Variants in SOX6 observed in about 807,000 individuals in gnomAD.
The protein encoded by SOX6 is transcription factor SOX-6.
Under a neutral mutation model 97.8 loss-of-function variants are expected in SOX6, and 11 were observed. The ratio of observed to expected loss-of-function variants is 0.11; its 90% CI spans 0.07 to 0.19. The LOEUF is 0.19. Among genes scored for constraint, SOX6 ranks in the 10% least tolerant of loss-of-function variants. SOX6 has a pLI of 1.00. For synonymous variants in SOX6, 360 were observed against 371.4 expected, an observed-to-expected ratio of 0.97 and a Z score of 0.35; for missense variants, 810 against 1,039.5, an observed-to-expected ratio of 0.78 and a Z score of 3.04.
intron 4 of SOX6, among the ~76,000 whole-genome samples, chr11:16,561,754 GT>G (rs1565181069): frequency 6.6e-6 from 1 of 151,788 alleles, no homozygotes; most frequent in African/African-American, 2.4e-5. Flanking sequence ...TTAATAGATG[GT>G]CTCTCACTCT....
At chr11:16,489,838 G>C (rs938382323) in intron 4 of SOX6, among the ~76,000 whole-genome samples, 1 of 152,076 alleles carries the variant, frequency 6.6e-6, no homozygotes, top group East Asian at 1.9e-4. Flanking sequence ...CTAGTATACT[G>C]AGAAAGTGAA....
chr11:16,365,017 C>G (rs1857316010), intron 1 of SOX6, among the ~76,000 whole-genome samples: 1 of 152,080 alleles, frequency 6.6e-6, no homozygotes, highest in Non-Finnish European at 1.5e-5. Context: ...TACCCAGAGT[C>G]AACCAAAGTC....
intron 13 of SOX6, among the ~76,000 whole-genome samples, chr11:15,996,646 A>C (rs2119855249): frequency 6.6e-6 from 1 of 152,118 alleles, no homozygotes; most frequent in South Asian, 2.1e-4. Flanking sequence ...AGTAAAAAAT[A>C]CAAAGAAGTA....
At chr11:16,523,358 T>A (rs559927621) in intron 4 of SOX6, among the ~76,000 whole-genome samples, 1 of 152,020 alleles carries the variant, frequency 6.6e-6, no homozygotes, top group Non-Finnish European at 1.5e-5. Context: ...ACATGGAAAC[T>A]GAACAACCTG....
chr11:16,032,557 T>G (rs1258332531), intron 12 of SOX6, among the ~76,000 whole-genome samples: 1 of 152,126 alleles, frequency 6.6e-6, no homozygotes, highest in Non-Finnish European at 1.5e-5. Context: ...GTCTCCAAGT[T>G]TATCTATGTG....
chr11:16,705,450 C>A (rs959988795), intron 3 of SOX6, among the ~76,000 whole-genome samples: 1 of 151,828 alleles, frequency 6.6e-6, no homozygotes, highest in Non-Finnish European at 1.5e-5. Context: ...TATAGAGAGA[C>A]CTCGTCCCTA....
At chr11:16,297,412 A>T (rs754778876) in intron 3 of SOX6, among the ~76,000 whole-genome samples, 1 of 152,210 alleles carries the variant, frequency 6.6e-6, no homozygotes, top group Non-Finnish European at 1.5e-5. Flanking sequence ...AGCAGTCAGC[A>T]AGTGGTCAAA....
chr11:16,164,709 G>A (rs1181291960), intron 6 of SOX6, among the ~76,000 whole-genome samples: 3 of 151,878 alleles, frequency 2.0e-5, no homozygotes, highest in Non-Finnish European at 4.4e-5. Flanking sequence ...TGTAATCCCA[G>A]CTACTTGGGA....
intron 13 of SOX6, among the ~76,000 whole-genome samples, chr11:15,993,494 C>T (rs1347195820): frequency 3.9e-5 from 6 of 152,260 alleles, no homozygotes; most frequent in African/African-American, 1.2e-4. Context: ...TACCTGGAGA[C>T]GGCTTTCCAG....
At chr11:16,703,227 T>A (rs1848107917) in intron 3 of SOX6, among the ~76,000 whole-genome samples, 1 of 152,082 alleles carries the variant, frequency 6.6e-6, no homozygotes, top group Admixed American at 6.5e-5. Flanking sequence ...TCTATGAGGG[T>A]ATCTCCAATT....
In SOX6 at chr11:16,318,327, C is replaced by A. The variant is rs72869972; in HGVS notation, c.445+119G>T. ...CATAGTAACCTCTGAATAACTTTTT[C>A]CTAGCTAGTGACAATTATGCACTTC... On this transcript the variant is annotated intron_variant, in intron 3 of 15. Transcript: ENST00000683767. The A allele has an allele frequency of 0.025, 26,776 of 1,075,742 alleles. 654 individuals are homozygous for A. The highest frequency in any genetic ancestry group is 0.025 in the Non-Finnish European group (17,781 of 713,820). 66.6% of individuals were successfully genotyped at this position (1,075,742 alleles called of 1,614,324 possible). A position where few individuals can be genotyped will look rare whatever the true frequency, so the allele number is the denominator to read the frequency against.
intron 3 of SOX6, among the ~76,000 whole-genome samples, chr11:16,688,038 T>A (rs1399361030): frequency 6.6e-6 from 1 of 152,128 alleles, no homozygotes; most frequent in African/African-American, 2.4e-5. Flanking sequence ...AGTGGCATGA[T>A]CTTGGCTCAC....
chr11:16,516,585 G>T (rs1860977914), intron 4 of SOX6, among the ~76,000 whole-genome samples: 1 of 151,826 alleles, frequency 6.6e-6, no homozygotes, highest in African/African-American at 2.4e-5. Context: ...TAGAAGAAAT[G>T]GATAAATTCC....
At chr11:16,332,564 A>G (rs1856337631) in intron 2 of SOX6, among the ~76,000 whole-genome samples, 1 of 152,132 alleles carries the variant, frequency 6.6e-6, no homozygotes, top group Non-Finnish European at 1.5e-5. Context: ...ATTAAATAAG[A>G]TTTTCTATTT....
chr11:16,380,512 C>T (rs1037075621), intron 1 of SOX6, among the ~76,000 whole-genome samples: 6 of 151,924 alleles, frequency 3.9e-5, no homozygotes, highest in East Asian at 1.9e-4. Flanking sequence ...TAAATCCATT[C>T]TACCAACCAA....
intron 1 of SOX6, among the ~76,000 whole-genome samples, chr11:16,454,022 A>G (rs1859767306): frequency 6.6e-6 from 1 of 152,152 alleles, no homozygotes; most frequent in African/African-American, 2.4e-5. Flanking sequence ...TTTATAATGA[A>G]TAAGACAAGG....
chr11:16,195,485 A>G (rs1440744373), intron 4 of SOX6, among the ~76,000 whole-genome samples: 1 of 152,242 alleles, frequency 6.6e-6, no homozygotes, highest in East Asian at 1.9e-4. Flanking sequence ...GAAATGTACA[A>G]CTTCTCAGTT....
At chr11:16,495,241 G>C (rs1040109359) in intron 4 of SOX6, among the ~76,000 whole-genome samples, 4 of 152,114 alleles carry the variant, frequency 2.6e-5, no homozygotes, top group Non-Finnish European at 4.4e-5. Context: ...CCTGTCTATA[G>C]CTGCTACCAC....
chr11:16,446,595 C>T (rs1859616684), intron 1 of SOX6, among the ~76,000 whole-genome samples: 1 of 152,070 alleles, frequency 6.6e-6, no homozygotes, highest in Non-Finnish European at 1.5e-5. Context: ...GTATTACGCA[C>T]ATAAACAAGT....
Sources: gnomAD v4.1 joint callset for allele counts (sites outside exome capture counted in the v4.1 genomes callset) on GRCh38, gnomAD v4.1.1 for gene constraint, MANE v1.5 for transcripts, NCBI Gene and HGNC (gene_info 2026-07-23, HGNC 2026-07-21) for gene names.